The following KCNIP4 variants were observed in gnomAD, a reference collection of about 807,000 sequenced individuals.
KCNIP4 encodes the protein potassium voltage-gated channel interacting protein 4.
In KCNIP4, 12 loss-of-function variants were observed where a neutral mutation model predicts 34.0. That is an observed-to-expected ratio of 0.35 (90% confidence interval 0.23 to 0.57). The LOEUF (loss-of-function observed/expected upper bound fraction) is 0.57. KCNIP4 is among the 20% of genes least tolerant of loss of function. The pLI is 0.83. For synonymous variants in KCNIP4, 124 were observed against 102.2 expected, an observed-to-expected ratio of 1.21 and a Z score of -1.29; for missense variants, 238 against 311.7, an observed-to-expected ratio of 0.76 and a Z score of 1.78.
intron 1 of KCNIP4, among the ~76,000 whole-genome samples, chr4:20,977,265 T>A (rs1371957126): frequency 6.6e-6 from 1 of 152,196 alleles, no homozygotes; most frequent in Non-Finnish European, 1.5e-5. Context: ...AGTTACCCAA[T>A]CACAGCATGA....
chr4:21,258,649 C>T (rs1030511903), intron 1 of KCNIP4, among the ~76,000 whole-genome samples: 2 of 152,076 alleles, frequency 1.3e-5, no homozygotes, highest in Admixed American at 6.6e-5. Flanking sequence ...GTCAGTGTTC[C>T]ATGTCCTGAC....
rs1161082468 is a variant in KCNIP4 at position 21,165,449 on chromosome 4, C to CAA, written c.62-282742_62-282741dup. Among the ~76,000 whole-genome samples, 3 of 618 alleles carry CAA rather than the reference C, an allele frequency of 4.9e-3. 1 individual carries two copies. The highest frequency in any genetic ancestry group is 2.5e-3 in the Non-Finnish European group (1 of 398). 0.4% of individuals were successfully genotyped at this position (618 alleles called of 152,430 possible). A position where few individuals can be genotyped will look rare whatever the true frequency, so the allele number is the denominator to read the frequency against. On this transcript the variant is annotated intron_variant, in intron 1 of 8. Transcript: ENST00000382152. Reference sequence around the variant, plus strand: ...AAAAAAATCATATGTTTGAAAGCATCAAAAAAAAAAAAAAAAAAAAAAAAA... The same window carrying CAA: ...AAAAAAATCATATGTTTGAAAGCATCAAAAAAAAAAAAAAAAAAAAAAAAAAA...
chr4:21,195,491 G>T (rs1433591946), intron 1 of KCNIP4, among the ~76,000 whole-genome samples: 1 of 152,158 alleles, frequency 6.6e-6, no homozygotes. Flanking sequence ...TCATTTGTGA[G>T]CCCAGGTAGC....
intron 1 of KCNIP4, among the ~76,000 whole-genome samples, chr4:21,932,298 A>G (rs551041308): frequency 2.0e-5 from 3 of 152,202 alleles, no homozygotes; most frequent in Admixed American, 6.5e-5. Context: ...CACTAACAAA[A>G]AAGGACAATG....
chr4:20,999,074 A>G (rs1737823943), intron 1 of KCNIP4, among the ~76,000 whole-genome samples: 1 of 152,212 alleles, frequency 6.6e-6, no homozygotes, highest in South Asian at 2.1e-4. Flanking sequence ...ACAGACACTT[A>G]ACTCACTCTT....
At chr4:21,131,016 G>A (rs1429837205) in intron 1 of KCNIP4, among the ~76,000 whole-genome samples, 5 of 152,148 alleles carry the variant, frequency 3.3e-5, no homozygotes, top group Non-Finnish European at 2.9e-5. Context: ...CCCCCAAAAG[G>A]CCATAATCTA....
intron 1 of KCNIP4, among the ~76,000 whole-genome samples, chr4:21,396,692 C>T (rs1464436410): frequency 1.3e-5 from 2 of 151,832 alleles, no homozygotes; most frequent in East Asian, 3.9e-4. Flanking sequence ...GTCACTATGA[C>T]TCTTACAAGA....
At chr4:20,788,162 G>A (rs1367810550) in intron 3 of KCNIP4, among the ~76,000 whole-genome samples, 2 of 152,008 alleles carry the variant, frequency 1.3e-5, no homozygotes, top group African/African-American at 4.8e-5. Context: ...TTTAGCATAT[G>A]CCTAACAAAT....
At chr4:21,921,968 G>T (rs1728962709) in intron 1 of KCNIP4, among the ~76,000 whole-genome samples, 1 of 152,110 alleles carries the variant, frequency 6.6e-6, no homozygotes, top group Non-Finnish European at 1.5e-5. Context: ...GGTTCTCCCT[G>T]GGTGATCCGG....
chr4:21,794,409 T>C (rs1444266346), intron 1 of KCNIP4, among the ~76,000 whole-genome samples: 8 of 152,206 alleles, frequency 5.3e-5, no homozygotes, highest in Non-Finnish European at 1.2e-4. Context: ...TTTCAATCAA[T>C]TGTTTTGTCT....
At chr4:21,519,438 A>G (rs955448924) in intron 1 of KCNIP4, among the ~76,000 whole-genome samples, 5 of 138,972 alleles carry the variant, frequency 3.6e-5, no homozygotes, top group African/African-American at 1.1e-4. Flanking sequence ...ATATGTGTGT[A>G]TATGTATGTG....
At chr4:21,338,892 G>A (rs568419167) in intron 1 of KCNIP4, among the ~76,000 whole-genome samples, 43 of 152,040 alleles carry the variant, frequency 2.8e-4, no homozygotes, top group South Asian at 8.3e-4. Context: ...ACAAGTAAAC[G>A]AAAAAGGATC....
chr4:20,746,877 C>T (rs1191011227), intron 5 of KCNIP4, among the ~76,000 whole-genome samples: 9 of 152,140 alleles, frequency 5.9e-5, no homozygotes, highest in African/African-American at 1.9e-4. Flanking sequence ...GGTCTCTCTA[C>T]TGTACCTCTC....
At chr4:21,565,326 G>T (rs182873160) in intron 1 of KCNIP4, among the ~76,000 whole-genome samples, 1 of 151,994 alleles carries the variant, frequency 6.6e-6, no homozygotes, top group Non-Finnish European at 1.5e-5. Flanking sequence ...TTTTACTTTC[G>T]AAAGTGCTAA....
chr4:20,935,454 C>T (rs1730967939), intron 1 of KCNIP4, among the ~76,000 whole-genome samples: 2 of 152,080 alleles, frequency 1.3e-5, no homozygotes, highest in Non-Finnish European at 2.9e-5. Flanking sequence ...CCAACAAACT[C>T]GAAACCCTGT....
At chr4:21,030,611 C>T (rs985206605) in intron 1 of KCNIP4, among the ~76,000 whole-genome samples, 1 of 152,046 alleles carries the variant, frequency 6.6e-6, no homozygotes, top group Non-Finnish European at 1.5e-5. Context: ...CAAACCATAC[C>T]ACACTGATTG....
chr4:21,210,324 G>A (rs1255311244), intron 1 of KCNIP4, among the ~76,000 whole-genome samples: 1 of 152,162 alleles, frequency 6.6e-6, no homozygotes, highest in Admixed American at 6.5e-5. Context: ...GGAACCCAGT[G>A]TTCTCATCTG....
intron 1 of KCNIP4, among the ~76,000 whole-genome samples, chr4:21,625,226 AT>A (rs1452495681): frequency 3.3e-5 from 5 of 152,086 alleles, no homozygotes; most frequent in African/African-American, 1.2e-4. Context: ...TTTTACCTCT[AT>A]TTTTGAATCT....
intron 1 of KCNIP4, among the ~76,000 whole-genome samples, chr4:21,054,707 C>CAAAAAAA (rs34366909): frequency 1.5e-4 from 13 of 86,190 alleles, no homozygotes; most frequent in Non-Finnish European, 1.9e-4. Flanking sequence ...TACTCACATG[C>CAAAAAAA]AAAAAAAAAA....
Sources: gnomAD v4.1 joint callset for allele counts (sites outside exome capture counted in the v4.1 genomes callset) on GRCh38, gnomAD v4.1.1 for gene constraint, MANE v1.5 for transcripts, NCBI Gene and HGNC (gene_info 2026-07-23, HGNC 2026-07-21) for gene names.